Variants in ANKRD44 observed in about 807,000 individuals in gnomAD.
The protein encoded by ANKRD44 is ankyrin repeat domain 44.
A neutral mutation model predicts 116.0 loss-of-function variants in ANKRD44; 35 were observed. That is an observed-to-expected ratio of 0.30 (90% CI 0.23 to 0.40). The LOEUF is 0.40. ANKRD44 is among the 10% of genes least tolerant of loss of function. ANKRD44 has a pLI of 1.00. For missense variants in ANKRD44, 1,014 were observed against 1,242.6 expected (o/e 0.82, Z 2.77); for synonymous variants, 435 against 461.8 (o/e 0.94, Z 0.74).
At position 197,071,642 on chromosome 2, in the gene ANKRD44, C is replaced by A. The variant is rs75971817; in HGVS notation, c.1650+7061G>T. Among the ~76,000 whole-genome samples, 69 of 152,218 alleles carry A rather than the reference C, an allele frequency of 4.5e-4. 1 individual carries two copies. The East Asian group carries it at 0.011, about 24-fold the overall frequency. ...GCTTATCTTTGTGAATGTTCATGGG[C>A]ACTTGAACTAAATATGTATTCTCAT... On this transcript the variant is annotated intron_variant, in intron 16 of 27. Coordinates refer to ENST00000282272, the MANE Select transcript of ANKRD44 (RefSeq NM_001195144.2).
At chr2:197,238,130 C>A (rs1030359501) in intron 1 of ANKRD44, among the ~76,000 whole-genome samples, 1 of 152,200 alleles carries the variant, frequency 6.6e-6, no homozygotes, top group Non-Finnish European at 1.5e-5. Flanking sequence ...ACAGTTTGTA[C>A]AGTCATTATA....
intron 27 of ANKRD44, chr2:196,990,716 C>A: frequency 8.1e-7 from 1 of 1,232,172 alleles, no homozygotes; most frequent in Non-Finnish European, 1.0e-6. Flanking sequence ...TTTCATTGTA[C>A]CCATCCTCCG....
At chr2:197,120,314 G>A (rs1008373114) in intron 8 of ANKRD44, among the ~76,000 whole-genome samples, 1 of 152,160 alleles carries the variant, frequency 6.6e-6, no homozygotes, top group African/African-American at 2.4e-5. Context: ...GTGATGACCA[G>A]CTCAGTGCTA....
chr2:196,980,905 A>C (rs2125864903), intron 21 of ANKRD44, among the ~76,000 whole-genome samples: 1 of 152,316 alleles, frequency 6.6e-6, no homozygotes, highest in South Asian at 2.1e-4. Context: ...AGATGTTTTG[A>C]AGTAGTTAAA....
chr2:197,298,252 T>A (rs1308288106), intron 1 of ANKRD44, among the ~76,000 whole-genome samples: 1 of 152,218 alleles, frequency 6.6e-6, no homozygotes, highest in Non-Finnish European at 1.5e-5. Flanking sequence ...AAGAAAGCGA[T>A]TTTTGGCAAC....
At chr2:197,108,350 T>G (rs964360386) in intron 9 of ANKRD44, among the ~76,000 whole-genome samples, 1 of 152,200 alleles carries the variant, frequency 6.6e-6, no homozygotes. Context: ...TTTATCATTA[T>G]CACTTAGCTT....
At chr2:197,124,065 T>C (rs1478863676) in intron 6 of ANKRD44, among the ~76,000 whole-genome samples, 8 of 152,218 alleles carry the variant, frequency 5.3e-5, no homozygotes, top group Non-Finnish European at 8.8e-5. Flanking sequence ...TTAGTGTGTG[T>C]TCGGCCTACA....
intron 10 of ANKRD44, among the ~76,000 whole-genome samples, chr2:197,092,060 C>T (rs1305008208): frequency 1.3e-5 from 2 of 152,202 alleles, no homozygotes; most frequent in East Asian, 3.9e-4. Flanking sequence ...CTCTTCCCTA[C>T]TACATCTTCT....
chr2:197,302,033 C>T (rs972059193), intron 1 of ANKRD44, among the ~76,000 whole-genome samples: 2 of 152,152 alleles, frequency 1.3e-5, no homozygotes, highest in Non-Finnish European at 2.9e-5. Flanking sequence ...GTGAGCCATG[C>T]AGATATCTAG....
chr2:197,119,585 C>T (rs1172059600), intron 8 of ANKRD44, among the ~76,000 whole-genome samples: 2 of 152,098 alleles, frequency 1.3e-5, no homozygotes, highest in South Asian at 2.1e-4. Context: ...CAATCAATTG[C>T]TATTCTGAAA....
intron 16 of ANKRD44, among the ~76,000 whole-genome samples, chr2:197,069,523 G>C (rs1250349812): frequency 1.3e-5 from 2 of 152,136 alleles, no homozygotes; most frequent in East Asian, 3.9e-4. Flanking sequence ...TATTTTTGTG[G>C]GTATATGTCT....
intron 1 of ANKRD44, among the ~76,000 whole-genome samples, chr2:197,219,559 A>T (rs2081537566): frequency 1.3e-5 from 2 of 152,218 alleles, no homozygotes; most frequent in Admixed American, 6.5e-5. Context: ...CATATACATT[A>T]GTAAAGGTAA....
At chr2:197,156,164 G>A (rs922709991) in intron 2 of ANKRD44, among the ~76,000 whole-genome samples, 1 of 152,124 alleles carries the variant, frequency 6.6e-6, no homozygotes, top group Non-Finnish European at 1.5e-5. Context: ...GGCTAACATG[G>A]TGAAACCCCG....
At chr2:196,981,017 T>C (rs1574213908) in intron 21 of ANKRD44, among the ~76,000 whole-genome samples, 3 of 147,986 alleles carry the variant, frequency 2.0e-5, no homozygotes, top group African/African-American at 7.6e-5. Context: ...TGCTTTTTTT[T>C]CTTCAGTCAT....
intron 1 of ANKRD44, among the ~76,000 whole-genome samples, chr2:197,242,718 C>T (rs1472961937): frequency 6.6e-6 from 1 of 152,176 alleles, no homozygotes; most frequent in East Asian, 1.9e-4. Context: ...ACACTCTAGT[C>T]TAGGAGAGTT....
At chr2:197,233,472 G>A (rs7602870) in intron 1 of ANKRD44, among the ~76,000 whole-genome samples, 31,024 of 152,044 alleles carry the variant, frequency 0.2, 3,332 homozygotes, top group Middle Eastern at 0.31. Context: ...AATATCTGAA[G>A]ATTTCAAAAT....
rs67655796 is a variant in ANKRD44, at chr2:197,246,350, C to CTTT, written c.28-59247_28-59245dup. On this transcript the variant is annotated intron_variant, in intron 1 of 27. Transcript: ENST00000282272. ...TACAAGTATGCACCACTACATCTGG[C>CTTT]TTTTTTTTTTTTTTTTTTTTTTTTT... Among the ~76,000 whole-genome samples, 92 of 65,860 alleles carry CTTT rather than the reference C, an allele frequency of 1.4e-3. 25 individuals are homozygous for CTTT. The highest frequency in any genetic ancestry group is 5.3e-3 in the African/African-American group (78 of 14,838). The allele number at this position is 65,860 out of a possible 152,430, so 43.2% of individuals were successfully genotyped here.
chr2:197,265,256 G>T (rs2082712232), intron 1 of ANKRD44, among the ~76,000 whole-genome samples: 1 of 149,690 alleles, frequency 6.7e-6, no homozygotes, highest in African/African-American at 2.5e-5. Flanking sequence ...TTGGTGGGGA[G>T]GGGGTGGGGA....
intron 3 of ANKRD44, among the ~76,000 whole-genome samples, chr2:197,145,292 AAAAT>A (rs56075904): frequency 1.3e-5 from 2 of 148,932 alleles, no homozygotes; most frequent in Non-Finnish European, 3.0e-5. Context: ...CTCCGTCTCA[AAAAT>A]AAATAAATAA....
Sources: gnomAD v4.1 joint callset for allele counts (sites outside exome capture counted in the v4.1 genomes callset) on GRCh38, gnomAD v4.1.1 for gene constraint, MANE v1.5 for transcripts, NCBI Gene and HGNC (gene_info 2026-07-23, HGNC 2026-07-21) for gene names.